Variants in CACNA1D observed in about 807,000 individuals in gnomAD.
The protein encoded by CACNA1D is calcium voltage-gated channel subunit alpha1 D, also known as voltage-dependent L-type calcium channel subunit alpha-1D.
A neutral mutation model predicts 257.1 loss-of-function variants in CACNA1D; 55 were observed. The observed-to-expected ratio is 0.21, with a 90% CI of 0.17 to 0.27. The LOEUF (loss-of-function observed/expected upper bound fraction) is 0.27. Among genes scored for constraint, CACNA1D ranks in the 10% least tolerant of loss-of-function variants. The probability of loss-of-function intolerance (pLI) is 1.00; values close to 1 mark genes in which losing one functional copy is unlikely to be tolerated. For synonymous variants in CACNA1D, 980 were observed against 1,014.9 expected, an observed-to-expected ratio of 0.97 and a Z score of 0.65; for missense variants, 1,876 against 2,784.0, an observed-to-expected ratio of 0.67 and a Z score of 7.34.
chr3:53,745,564 T>G, intron 23 of CACNA1D, 60 bp from the exon 24 acceptor site: 46 of 1,030,300 alleles, frequency 4.5e-5, no homozygotes, highest in Non-Finnish European at 6.8e-5. Context: ...TCGGCTGATG[T>G]TAGCTCACCT....
chr3:53,743,932 G>C (rs2095141678), intron 22 of CACNA1D, among the ~76,000 whole-genome samples: 1 of 151,926 alleles, frequency 6.6e-6, no homozygotes, highest in Non-Finnish European at 1.5e-5. Flanking sequence ...CTGCCACTGA[G>C]GGAACCCTGT....
chr3:53,739,750 G>T (rs1576516684), intron 20 of CACNA1D, among the ~76,000 whole-genome samples: 1 of 152,204 alleles, frequency 6.6e-6, no homozygotes, highest in South Asian at 2.1e-4. Context: ...CATGAGCAGG[G>T]AAGGGTGCTG....
intron 3 of CACNA1D, among the ~76,000 whole-genome samples, chr3:53,541,671 T>G (rs2092300533): frequency 6.6e-6 from 1 of 152,202 alleles, no homozygotes; most frequent in Non-Finnish European, 1.5e-5. Flanking sequence ...ATTCTTTGAG[T>G]ATATCTGTTT....
intron 3 of CACNA1D, among the ~76,000 whole-genome samples, chr3:53,543,091 TAA>T (rs202132960): frequency 1.0e-5 from 1 of 96,018 alleles, no homozygotes; most frequent in African/African-American, 3.8e-5. Context: ...ATAATAAAAT[TAA>T]AAAAAAAAAA....
chr3:53,549,961 T>C (rs1309561287), intron 3 of CACNA1D, among the ~76,000 whole-genome samples: 1 of 152,202 alleles, frequency 6.6e-6, no homozygotes, highest in African/African-American at 2.4e-5. Flanking sequence ...TCTTGAGCAG[T>C]TCTGCAAATC....
intron 3 of CACNA1D, among the ~76,000 whole-genome samples, chr3:53,611,526 A>G (rs537226361): frequency 6.6e-6 from 1 of 151,908 alleles, no homozygotes; most frequent in African/African-American, 2.4e-5. Flanking sequence ...TTGTTTATTC[A>G]CCTCTGGATT....
At chr3:53,780,598 C>T (rs1034942721) in intron 38 of CACNA1D, among the ~76,000 whole-genome samples, 4 of 152,204 alleles carry the variant, frequency 2.6e-5, no homozygotes, top group African/African-American at 9.7e-5. Flanking sequence ...CAGTGCCTAG[C>T]ACACAGTCAG....
chr3:53,529,269 T>C (rs1264469148), intron 3 of CACNA1D, among the ~76,000 whole-genome samples: 5 of 152,242 alleles, frequency 3.3e-5, no homozygotes, highest in African/African-American at 9.6e-5. Context: ...GAGATAATCA[T>C]ATGGTTTTTC....
At chr3:53,664,393 C>G (rs1035167430) in intron 5 of CACNA1D, among the ~76,000 whole-genome samples, 6 of 152,214 alleles carry the variant, frequency 3.9e-5, no homozygotes, top group African/African-American at 1.4e-4. Context: ...CTTGAACTAC[C>G]TCTCTGTGTG....
intron 3 of CACNA1D, among the ~76,000 whole-genome samples, chr3:53,514,387 G>A (rs1006286149): frequency 1.4e-4 from 21 of 151,894 alleles, no homozygotes; most frequent in Non-Finnish European, 2.2e-4. Context: ...TTGGGGGCGT[G>A]GGGGGTGGGG....
chr3:53,711,599 G>A (rs2094756457), intron 9 of CACNA1D, among the ~76,000 whole-genome samples: 1 of 152,200 alleles, frequency 6.6e-6, no homozygotes, highest in Non-Finnish European at 1.5e-5. Context: ...GATTCAGACA[G>A]CAGGGACGTG....
intron 3 of CACNA1D, among the ~76,000 whole-genome samples, chr3:53,614,637 G>T (rs374842331): frequency 4.6e-5 from 7 of 152,192 alleles, no homozygotes; most frequent in Non-Finnish European, 1.0e-4. Context: ...GCCCACATTC[G>T]TTTCACAGAA....
intron 29 of CACNA1D, among the ~76,000 whole-genome samples, chr3:53,760,332 G>A (rs1407605339): frequency 1.3e-5 from 2 of 152,218 alleles, no homozygotes; most frequent in East Asian, 1.9e-4. Flanking sequence ...TGGTTCTGCA[G>A]TGGCTTCTTC....
Position 53,587,016 on chromosome 3 carries a change from G to A in CACNA1D, c.484-63763G>A, listed in dbSNP as rs192345975. Among the ~76,000 whole-genome samples, 11 of 152,280 alleles carry A rather than the reference G, an allele frequency of 7.2e-5. 1 individual carries two copies. The East Asian group carries it at 1.5e-3, about 21-fold the overall frequency. ...GAGAGTCAGGAAGATTGTCCAGGGC[G>A]TGATGTGTTCCTGGAACCGTGGGGC... On this transcript the variant is annotated intron_variant, in intron 3 of 47. Transcript: ENST00000350061.
rs563549522 is a variant in CACNA1D, at chr3:53,500,871, C to T, written c.378-744C>T. The stretch of plus-strand genomic sequence containing the variant: ...GAGAAATGTTAAAGCCTACTTTGAA[C>T]GTGTCTGGTGCTGATTTCTTATGGC... On this transcript the variant is annotated intron_variant, in intron 2 of 47. Transcript: ENST00000350061. Among the ~76,000 whole-genome samples, 10 of 152,184 alleles carry T rather than the reference C, an allele frequency of 6.6e-5. No individual in the cohort carries two copies. In the East Asian group the frequency reaches 1.5e-3, roughly 23 times the overall value.
At chr3:53,690,265 T>A (rs1205387932) in intron 8 of CACNA1D, among the ~76,000 whole-genome samples, 1 of 152,246 alleles carries the variant, frequency 6.6e-6, no homozygotes, top group East Asian at 1.9e-4. Context: ...TGCTCGTACA[T>A]CCTCAGCTGC....
Position 53,672,814 on chromosome 3 carries a change from GTGTGTA to G in CACNA1D, c.1117-206_1117-201del, listed in dbSNP as rs57848747. On this transcript the variant is annotated intron_variant, in intron 7 of 47. Coordinates refer to ENST00000350061, the MANE Select transcript of CACNA1D (RefSeq NM_001128840.3). Reference sequence around the variant, plus strand: ...TGTGTGTGTGTGTGTGTGTGTGTGTGTGTGTATGGATGCTTGTGTGTGTGTATGGGG... The same window carrying G: ...TGTGTGTGTGTGTGTGTGTGTGTGTGTGGATGCTTGTGTGTGTGTATGGGG... Among the ~76,000 whole-genome samples the G allele has an allele frequency of 5.2e-3, 608 of 117,950 alleles. 10 individuals are homozygous for G. Among genetic ancestry groups the G allele is most frequent in the African/African-American group, 0.02 (557 of 28,254 alleles). The allele number at this position is 117,950 out of a possible 152,430, so 77.4% of individuals were successfully genotyped here.
At chr3:53,806,927 T>C (rs1046977435) in intron 45 of CACNA1D, among the ~76,000 whole-genome samples, 2 of 152,086 alleles carry the variant, frequency 1.3e-5, no homozygotes, top group Non-Finnish European at 2.9e-5. Flanking sequence ...GTCTACTGCC[T>C]ACTTGGCCAA....
chr3:53,639,597 A>G (rs1430854202), intron 3 of CACNA1D, among the ~76,000 whole-genome samples: 1 of 152,140 alleles, frequency 6.6e-6, no homozygotes, highest in East Asian at 1.9e-4. Context: ...CATGTTAGCT[A>G]GGATGGCCTC....
Sources: allele counts gnomAD v4.1 joint callset (sites outside exome capture counted in the v4.1 genomes callset), GRCh38; gene constraint gnomAD v4.1.1; transcripts MANE v1.5; gene names NCBI Gene and HGNC (gene_info 2026-07-23, HGNC 2026-07-21).